FCHO2: variants seen among roughly 807,000 people sequenced by gnomAD.
FCHO2 encodes F-BAR domain only protein 2.
A neutral mutation model predicts 114.1 loss-of-function variants in FCHO2; 43 were observed. The ratio of observed to expected loss-of-function variants is 0.38; its 90% CI spans 0.30 to 0.49. The LOEUF is 0.49. FCHO2 is among the 20% of genes least tolerant of loss of function. FCHO2 has a pLI of 0.97. For missense variants in FCHO2, 807 were observed against 950.4 expected (o/e 0.85, Z 1.98); for synonymous variants, 293 against 315.2 (o/e 0.93, Z 0.75).
At chr5:73,040,540 C>T (rs1045179650) in intron 10 of FCHO2, among the ~76,000 whole-genome samples, 2 of 152,212 alleles carry the variant, frequency 1.3e-5, no homozygotes, top group South Asian at 4.1e-4. Context: ...ACCTCACTGT[C>T]CTTAGTTGTA....
chr5:72,991,104 G>C (rs933649294), intron 5 of FCHO2, among the ~76,000 whole-genome samples: 6 of 152,152 alleles, frequency 3.9e-5, no homozygotes, highest in African/African-American at 1.4e-4. Flanking sequence ...TGCTCTTGTT[G>C]CCTAGGCTGG....
rs1183507604 is a variant in FCHO2, at chr5:73,052,786, T to C, written c.1173+279T>C. 1.7e-5 allele frequency: 4 copies of C among 237,168 alleles called. No individual in the cohort carries two copies. In the East Asian group the frequency reaches 3.8e-4, roughly 22 times the overall value. The allele number at this position is 237,168 out of a possible 1,614,324, so 14.7% of individuals were successfully genotyped here. On this transcript the variant is annotated intron_variant, in intron 13 of 25. Transcript: ENST00000430046. ...GAATTCTTTGAATTGGCAGTATTAA[T>C]TTTTGCCTCATCTAATTTTGAAGTG...
intron 2 of FCHO2, among the ~76,000 whole-genome samples, chr5:72,988,674 C>T (rs528648070): frequency 6.6e-4 from 101 of 152,144 alleles, no homozygotes; most frequent in Admixed American, 1.6e-3. Flanking sequence ...GGATTTCAGA[C>T]TTGATGATAT....
chr5:73,049,186 A>G (rs1018204794), intron 11 of FCHO2, among the ~76,000 whole-genome samples: 4 of 152,170 alleles, frequency 2.6e-5, no homozygotes, highest in Admixed American at 2.0e-4. Flanking sequence ...TGAATTTGCT[A>G]TCTTAATGTA....
At chr5:72,962,088 TTA>T (rs1413768269) in intron 1 of FCHO2, among the ~76,000 whole-genome samples, 1 of 152,208 alleles carries the variant, frequency 6.6e-6, no homozygotes, top group Non-Finnish European at 1.5e-5. Flanking sequence ...CATTATAAAA[TTA>T]TAGTGTTTTA....
chr5:73,018,870 A>C (rs1483833669), intron 8 of FCHO2, among the ~76,000 whole-genome samples: 1 of 152,130 alleles, frequency 6.6e-6, no homozygotes, highest in Admixed American at 6.5e-5. Context: ...CTAAATAATT[A>C]TGTACACATC....
At chr5:72,983,627 G>C (rs997815287) in intron 2 of FCHO2, among the ~76,000 whole-genome samples, 1 of 135,636 alleles carries the variant, frequency 7.4e-6, no homozygotes, top group Non-Finnish European at 1.5e-5. Flanking sequence ...GTGCTCAAAT[G>C]ATCTGCCCAC....
intron 2 of FCHO2, among the ~76,000 whole-genome samples, chr5:72,974,358 C>T (rs1290002583): frequency 2.1e-5 from 3 of 142,910 alleles, no homozygotes; most frequent in Non-Finnish European, 4.7e-5. Flanking sequence ...GTAGGTCACT[C>T]AGGACTTGCT....
intron 6 of FCHO2, among the ~76,000 whole-genome samples, chr5:73,011,636 C>G (rs1413913938): frequency 6.6e-6 from 1 of 152,128 alleles, no homozygotes; most frequent in Non-Finnish European, 1.5e-5. Flanking sequence ...TCTGGCTGGA[C>G]TTGGTGGCTC....
intron 19 of FCHO2, 99 bp downstream of exon 19, chr5:73,068,878 A>G (rs759744074): frequency 1.2e-4 from 158 of 1,355,682 alleles, no homozygotes; most frequent in East Asian, 2.7e-4. Flanking sequence ...AGAATTTAAC[A>G]TTATAAATTT....
At chr5:72,971,298 C>G (rs1231945224) in intron 2 of FCHO2, among the ~76,000 whole-genome samples, 1 of 151,702 alleles carries the variant, frequency 6.6e-6, no homozygotes, top group Non-Finnish European at 1.5e-5. Flanking sequence ...AGTGGTTGAA[C>G]TAGTTTACAG....
chr5:73,032,955 A>T (rs928308221), intron 8 of FCHO2, among the ~76,000 whole-genome samples: 2 of 152,170 alleles, frequency 1.3e-5, no homozygotes, highest in African/African-American at 4.8e-5. Flanking sequence ...TGTTATTCAT[A>T]ATTTTTATAC....
At position 73,039,694 on chromosome 5, in the gene FCHO2, G is replaced by A. The variant is rs576242855; in HGVS notation, c.915-1597G>A. Among the ~76,000 whole-genome samples the A allele has an allele frequency of 3.3e-5, 5 of 150,768 alleles. No homozygotes were observed. In the East Asian group the frequency reaches 6.0e-4, roughly 18 times the overall value. On this transcript the variant is annotated intron_variant, in intron 10 of 25. Coordinates refer to ENST00000430046, the MANE Select transcript of FCHO2 (RefSeq NM_138782.3). The stretch of plus-strand genomic sequence containing the variant: ...TGTAAACCCAGCATTTTGGGAGGCC[G>A]AGGAGGGTGGATTACTTGAGGTCAG...
chr5:72,989,376 T>G, intron 2 of FCHO2, 51 bp from the exon 3 acceptor site: 3 of 1,352,820 alleles, frequency 2.2e-6, no homozygotes, highest in African/African-American at 1.5e-5. Context: ...AACTTTGCTG[T>G]TTTTGGTCAC....
At position 73,063,672 on chromosome 5, in the gene FCHO2, C is replaced by T. The variant is rs1757943913; in HGVS notation, c.1346-169C>T. Among the ~76,000 whole-genome samples, 6 of 151,884 alleles carry T rather than the reference C, an allele frequency of 4.0e-5. No individual in the cohort carries two copies. In the South Asian group the frequency reaches 1.2e-3, roughly 32 times the overall value. On this transcript the variant is annotated intron_variant, in intron 17 of 25. Transcript: ENST00000430046. ...TATTACTGGTCACTTCAAAATAAAG[C>T]ATATTTGATAGATTCCCAATATTTC...
chr5:72,988,745 G>A (rs1377019775), intron 2 of FCHO2, among the ~76,000 whole-genome samples: 2 of 152,200 alleles, frequency 1.3e-5, no homozygotes, highest in Non-Finnish European at 2.9e-5. Flanking sequence ...GCATCACAGT[G>A]TTGAAGAATA....
At chr5:73,087,498 A>G (rs1743350226) in intron 24 of FCHO2, 91 bp from the exon 25 acceptor site, 1 of 1,405,972 alleles carries the variant, frequency 7.1e-7, no homozygotes, top group African/African-American at 1.4e-5. Context: ...GTAGCACAGG[A>G]CTGATGTAGT....
At chr5:73,037,376 C>T (rs1318242522) in intron 10 of FCHO2, among the ~76,000 whole-genome samples, 161 bp downstream of exon 10, 1 of 138,660 alleles carries the variant, frequency 7.2e-6, no homozygotes, top group Non-Finnish European at 1.6e-5. Flanking sequence ...ATACATTTGC[C>T]AATTCCTCTG....
Position 73,090,504 on chromosome 5 carries a change from A to G in FCHO2, c.*2414A>G, listed in dbSNP as rs1743453604. Reference sequence around the variant, plus strand: ...TACATAAAAGTTGTGCTCTTAATAAACATGTAATATATAATTTATCAATTG... The same window carrying G: ...TACATAAAAGTTGTGCTCTTAATAAGCATGTAATATATAATTTATCAATTG... On this transcript the variant is annotated 3_prime_UTR_variant, in exon 26 of 26. Transcript: ENST00000430046. 1 of 152,710 alleles carries G rather than the reference A, an allele frequency of 6.5e-6. No homozygotes were observed. Among genetic ancestry groups the G allele is most frequent in the East Asian group, 1.9e-4 (1 of 5,190 alleles). The allele number at this position is 152,710 out of a possible 1,614,324, so 9.5% of individuals were successfully genotyped here. A position where few individuals can be genotyped will look rare whatever the true frequency, so the allele number is the denominator to read the frequency against.
Sources: allele counts gnomAD v4.1 joint callset (sites outside exome capture counted in the v4.1 genomes callset), GRCh38; gene constraint gnomAD v4.1.1; transcripts MANE v1.5; gene names NCBI Gene and HGNC (gene_info 2026-07-23, HGNC 2026-07-21).